The following DLGAP4 variants were observed in gnomAD, a reference collection of about 807,000 sequenced individuals.
DLGAP4 encodes the protein DLG associated protein 4, also known as disks large-associated protein 4.
DLGAP4 carries 18 observed loss-of-function variants against 86.9 expected under a neutral mutation model. The ratio of observed to expected loss-of-function variants is 0.21; its 90% CI spans 0.14 to 0.31. The LOEUF (loss-of-function observed/expected upper bound fraction) is 0.31. DLGAP4 is among the 10% of genes least tolerant of loss of function. DLGAP4 has a pLI of 1.00. For missense variants in DLGAP4, 1,085 were observed against 1,362.6 expected (o/e 0.80, Z 3.21); for synonymous variants, 548 against 574.3 (o/e 0.95, Z 0.65).
intron 2 of DLGAP4, among the ~76,000 whole-genome samples, chr20:36,401,069 C>T (rs1273686464): frequency 6.6e-6 from 1 of 151,678 alleles, no homozygotes; most frequent in African/African-American, 2.4e-5. Flanking sequence ...CTCCTCCAGT[C>T]CCCCACCCGC....
chr20:36,439,681 G>T, intron 4 of DLGAP4, 73 bp from the exon 5 acceptor site: 1 of 1,332,484 alleles, frequency 7.5e-7, no homozygotes. Context: ...GTGCATCACA[G>T]ATGGTCAAGG....
At chr20:36,462,750 G>A in intron 7 of DLGAP4, 5 of 1,132,238 alleles carry the variant, frequency 4.4e-6, no homozygotes, top group Non-Finnish European at 6.0e-6. Context: ...GAGGGGCCAG[G>A]CTGTCTGGCG....
At chr20:36,461,921 C>T (rs1453377747) in intron 7 of DLGAP4, 1 of 985,040 alleles carries the variant, frequency 1.0e-6, no homozygotes. Flanking sequence ...CTTCTCAGAG[C>T]GCTCTTCAGC....
intron 7 of DLGAP4, among the ~76,000 whole-genome samples, chr20:36,466,919 G>GCTCTTGCTCTCTCT (rs2034381523): frequency 1.4e-5 from 2 of 140,308 alleles, no homozygotes; most frequent in Non-Finnish European, 3.1e-5. Flanking sequence ...CGAGTCTCTC[G>GCTCTTGCTCTCTCT]CTCTTGCTCT....
At chr20:36,402,219 G>C (rs2032184418) in intron 2 of DLGAP4, among the ~76,000 whole-genome samples, 1 of 152,176 alleles carries the variant, frequency 6.6e-6, no homozygotes, top group Admixed American at 6.5e-5. Context: ...GGAACTACCT[G>C]TTACTCAGGA....
chr20:36,431,816 G>C lies in DLGAP4; in HGVS notation c.99G>C (p.Leu33=), dbSNP rs1279298315. The C allele has an allele frequency of 3.1e-6, 5 of 1,613,808 alleles. No homozygotes were observed. Among genetic ancestry groups the C allele is most frequent in the South Asian group, 1.1e-5 (1 of 91,070 alleles). ...LFAGTDRNPY[L]LSPTEAFARE... is the part of the protein sequence containing the mutation. The stretch of plus-strand genomic sequence containing the variant: ...CAGGGACCGACCGCAACCCCTACCT[G>C]CTGTCGCCCACGGAGGCCTTCGCCC... The change falls in exon 3 of 13, where the codon CTG becomes CTC. Residue 33 remains leucine (L), a synonymous_variant. Transcript: ENST00000339266. This position sits in a 1 kb window ranked among gnomAD's most constrained non-coding sequence, Gnocchi z 5.1.
intron 2 of DLGAP4, among the ~76,000 whole-genome samples, chr20:36,401,140 C>CCCAT (rs2032147516): frequency 6.6e-6 from 1 of 152,054 alleles, no homozygotes; most frequent in African/African-American, 2.4e-5. Flanking sequence ...CAAAACAGCA[C>CCCAT]CCATCCAATC....
At chr20:36,332,793 A>G (rs1173839353) in intron 1 of DLGAP4, among the ~76,000 whole-genome samples, 6 of 150,040 alleles carry the variant, frequency 4.0e-5, no homozygotes, top group African/African-American at 1.2e-4. Context: ...TCTCTCTAGC[A>G]CCTCCCCTCC....
At position 36,432,029 on chromosome 20, in the gene DLGAP4, C is replaced by T. The variant is rs1468556485; in HGVS notation, c.312C>T (p.Leu104=). The change falls in exon 3 of 13, where the codon CTC becomes CTT. Residue 104 remains leucine, a synonymous_variant. Coordinates refer to ENST00000339266, the MANE Select transcript of DLGAP4 (RefSeq NM_001365621.2). The surrounding 1 kb of genome is among the most constrained non-coding windows in gnomAD (Gnocchi z 6.5). ...AGATCAACCGGCTGCCCGCCAACCT[C>T]CTGGACCAGTTTGAGAAGCAGCTGC... The part of the protein sequence containing the change: ...ATKINRLPAN[L]LDQFEKQLPI... The T allele has an allele frequency of 3.7e-6, 6 of 1,614,074 alleles. No individual in the cohort carries two copies. Among genetic ancestry groups the T allele is most frequent in the Non-Finnish European group, 5.1e-6 (6 of 1,180,048 alleles).
At chr20:36,353,625 T>C (rs904399565) in intron 1 of DLGAP4, among the ~76,000 whole-genome samples, 3 of 152,228 alleles carry the variant, frequency 2.0e-5, no homozygotes, top group African/African-American at 7.2e-5. Flanking sequence ...AGCTGAGGCC[T>C]GGTGCTGGAG....
At position 36,399,731 on chromosome 20, in the gene DLGAP4, G is replaced by C. The variant is rs2032100954; in HGVS notation, c.-72-31915G>C. On this transcript the variant is annotated intron_variant, in intron 2 of 12. Transcript: ENST00000339266. ...TGAGCTAATTCCAGTGGGTTGCATAGAGTGCAGATTCGAGGATTCCAGGCC... is the reference window on the plus strand; with the variant it reads ...TGAGCTAATTCCAGTGGGTTGCATACAGTGCAGATTCGAGGATTCCAGGCC... 1.3e-5 allele frequency among the ~76,000 whole-genome samples: 2 copies of C among 152,224 alleles called. 1 individual carries two copies. Among genetic ancestry groups the C allele is most frequent in the South Asian group, 4.1e-4 (2 of 4,820 alleles).
intron 1 of DLGAP4, among the ~76,000 whole-genome samples, chr20:36,332,177 G>C (rs1378403059): frequency 6.6e-6 from 1 of 152,102 alleles, no homozygotes; most frequent in Non-Finnish European, 1.5e-5. Context: ...ATCTGGACGG[G>C]ATGGAGAGGA....
intron 7 of DLGAP4, among the ~76,000 whole-genome samples, chr20:36,478,323 C>T (rs1347235397): frequency 1.3e-5 from 2 of 152,150 alleles, no homozygotes; most frequent in Non-Finnish European, 2.9e-5. Flanking sequence ...TCTGTGCCCT[C>T]CCTAATCTAG....
chr20:36,417,450 C>T (rs769589899), intron 2 of DLGAP4, among the ~76,000 whole-genome samples: 1 of 152,112 alleles, frequency 6.6e-6, no homozygotes, highest in Non-Finnish European at 1.5e-5. Context: ...GGCACAATCA[C>T]GGCTCACTGA....
chr20:36,353,177 C>G (rs2147391768), intron 1 of DLGAP4, among the ~76,000 whole-genome samples: 1 of 152,280 alleles, frequency 6.6e-6, no homozygotes, highest in East Asian at 1.9e-4. Flanking sequence ...CCGACGAGCT[C>G]AGAGCAGAGG....
intron 1 of DLGAP4, among the ~76,000 whole-genome samples, chr20:36,349,151 G>T (rs756427751): frequency 7.3e-6 from 1 of 136,310 alleles, no homozygotes; most frequent in Admixed American, 7.7e-5. Flanking sequence ...GGGTGCAATG[G>T]CTCACACCTG....
intron 2 of DLGAP4, among the ~76,000 whole-genome samples, chr20:36,387,108 C>T (rs184597330): frequency 1.3e-3 from 193 of 152,258 alleles, no homozygotes; most frequent in Non-Finnish European, 1.9e-3. Flanking sequence ...GCTAAAGTGC[C>T]CTCCAAGGTA....
chr20:36,467,046 CTCTCTCTCTCTCTCTCT>C (rs1333015664), intron 7 of DLGAP4, among the ~76,000 whole-genome samples: 12 of 133,434 alleles, frequency 9.0e-5, no homozygotes, highest in African/African-American at 2.9e-4. Context: ...CTCTCTCTCT[CTCTCTCTCTCTCTCTCT>C]CCCCCCCCCT....
intron 1 of DLGAP4, among the ~76,000 whole-genome samples, chr20:36,340,216 C>T (rs2147372503): frequency 6.6e-6 from 1 of 152,254 alleles, no homozygotes; most frequent in African/African-American, 2.4e-5. Context: ...TCAGCTCCTC[C>T]CTTCTCCTGG....
Sources: allele counts gnomAD v4.1 joint callset (sites outside exome capture counted in the v4.1 genomes callset), GRCh38; gene constraint gnomAD v4.1.1; non-coding constraint Gnocchi (gnomAD v3.1); transcripts MANE v1.5; gene names NCBI Gene and HGNC (gene_info 2026-07-23, HGNC 2026-07-21).